The following ANKS1B variants were observed in gnomAD, a reference collection of about 807,000 sequenced individuals.
ANKS1B encodes ankyrin repeat and sterile alpha motif domain-containing protein 1B.
ANKS1B carries 36 observed loss-of-function variants against 148.3 expected under a neutral mutation model. The ratio of observed to expected loss-of-function variants is 0.24; its 90% CI spans 0.19 to 0.32. The LOEUF is 0.32. Among genes scored for constraint, ANKS1B ranks in the 10% least tolerant of loss-of-function variants. The probability of loss-of-function intolerance (pLI) is 1.00; values close to 1 mark genes in which losing one functional copy is unlikely to be tolerated. For synonymous variants in ANKS1B, 542 were observed against 560.8 expected, an observed-to-expected ratio of 0.97 and a Z score of 0.47; for missense variants, 1,157 against 1,542.6, an observed-to-expected ratio of 0.75 and a Z score of 4.19.
chr12:99,798,547 G>A (rs554488303), intron 4 of ANKS1B, among the ~76,000 whole-genome samples: 21 of 151,904 alleles, frequency 1.4e-4, no homozygotes, highest in Non-Finnish European at 2.5e-4. Context: ...ATCTAGAGGA[G>A]TATGTTCAAT....
At chr12:99,743,716 A>G (rs2060328778) in intron 8 of ANKS1B, among the ~76,000 whole-genome samples, 1 of 152,176 alleles carries the variant, frequency 6.6e-6, no homozygotes, top group Non-Finnish European at 1.5e-5. Flanking sequence ...AACTAAAGTA[A>G]TAACACTACA....
At chr12:99,158,823 G>C (rs759431717) in intron 14 of ANKS1B, among the ~76,000 whole-genome samples, 24 of 152,104 alleles carry the variant, frequency 1.6e-4, no homozygotes, top group Admixed American at 1.3e-4. Flanking sequence ...CCAAGAGAAA[G>C]GGCTCCCCTT....
At chr12:99,369,776 AGATAGATAGATAGATG>A (rs1449067289) in intron 12 of ANKS1B, among the ~76,000 whole-genome samples, 1 of 144,900 alleles carries the variant, frequency 6.9e-6, no homozygotes, top group Non-Finnish European at 1.5e-5. Flanking sequence ...ATAGATAGAT[AGATAGATAGATAGATG>A]GACGGACGGA....
intron 9 of ANKS1B, among the ~76,000 whole-genome samples, chr12:99,528,006 T>A (rs1394620412): frequency 6.6e-6 from 1 of 151,920 alleles, no homozygotes; most frequent in Non-Finnish European, 1.5e-5. Context: ...AACAGCATGG[T>A]ACTGGTGCTA....
chr12:99,929,081 C>T (rs1010751698), intron 1 of ANKS1B, among the ~76,000 whole-genome samples: 5 of 152,256 alleles, frequency 3.3e-5, no homozygotes, highest in Non-Finnish European at 5.9e-5. Context: ...CTTCATTTGT[C>T]CAACAGCATC....
chr12:99,779,961 T>C lies in ANKS1B; in HGVS notation c.757A>G (p.Asn253Asp). ...GTTCTACCTAAGCTATCCTTTATGT[T>C]GGCATCAATTCCTGAAAGAAAAAGA... ...RVLLETGIDA[N>D]IKDSLGRTVL... Residue 253 changes from asparagine (N) to aspartate (D), a missense_variant, in exon 6 of 27, where the codon AAC becomes GAC. This residue lies in a region of ANKS1B where 26 missense variants were observed against 83.4 expected (regional missense o/e 0.31). Coordinates refer to ENST00000683438, the MANE Select transcript of ANKS1B (RefSeq NM_001352186.2). 6.2e-7 allele frequency: 1 copy of C among 1,608,882 alleles called. No individual in the cohort carries two copies. The highest frequency in any genetic ancestry group is 8.5e-7 in the Non-Finnish European group (1 of 1,178,514).
intron 17 of ANKS1B, among the ~76,000 whole-genome samples, chr12:98,965,756 C>T (rs143089952): frequency 0.024 from 3,605 of 152,220 alleles, 128 homozygotes; most frequent in African/African-American, 0.074. Context: ...TATCTACAAC[C>T]ATCTGATCTT....
intron 10 of ANKS1B, among the ~76,000 whole-genome samples, chr12:99,444,757 G>C (rs1057437834): frequency 1.3e-5 from 2 of 151,908 alleles, no homozygotes; most frequent in Non-Finnish European, 2.9e-5. Flanking sequence ...TTTTTAATTA[G>C]TTCCCAATAA....
intron 8 of ANKS1B, among the ~76,000 whole-genome samples, chr12:99,702,423 T>C (rs1355308051): frequency 1.3e-5 from 2 of 152,176 alleles, no homozygotes; most frequent in African/African-American, 4.8e-5. Flanking sequence ...TTGAGTTCCT[T>C]ATACACTCTA....
chr12:99,336,352 T>A (rs2088861104), intron 12 of ANKS1B, among the ~76,000 whole-genome samples: 1 of 152,148 alleles, frequency 6.6e-6, no homozygotes, highest in Non-Finnish European at 1.5e-5. Flanking sequence ...TCCTTTGCTA[T>A]GCAGAAGCTC....
intron 10 of ANKS1B, among the ~76,000 whole-genome samples, chr12:99,454,854 A>G (rs1228607453): frequency 6.6e-6 from 1 of 152,212 alleles, no homozygotes; most frequent in Non-Finnish European, 1.5e-5. Context: ...GGAGAACTGC[A>G]CAGTTAAGAA....
chr12:99,894,508 CAAAAAA>C (rs777618998), intron 1 of ANKS1B, among the ~76,000 whole-genome samples: 4 of 64,266 alleles, frequency 6.2e-5, no homozygotes, highest in African/African-American at 1.1e-4. Flanking sequence ...GACCCTGTCT[CAAAAAA>C]AAAAAAAAAA....
At chr12:99,153,200 A>G (rs2075387811) in intron 15 of ANKS1B, among the ~76,000 whole-genome samples, 1 of 152,184 alleles carries the variant, frequency 6.6e-6, no homozygotes. Context: ...AATCTATAAT[A>G]TTCAAGTCAA....
chr12:99,133,607 T>A (rs1310594549), intron 15 of ANKS1B, among the ~76,000 whole-genome samples: 1 of 152,210 alleles, frequency 6.6e-6, no homozygotes, highest in Non-Finnish European at 1.5e-5. Flanking sequence ...CCCACAATCA[T>A]GTTTATAATG....
intron 1 of ANKS1B, among the ~76,000 whole-genome samples, chr12:99,962,337 C>T (rs889099382): frequency 4.6e-5 from 7 of 152,074 alleles, no homozygotes; most frequent in Non-Finnish European, 1.0e-4. Flanking sequence ...CTGAGGATGA[C>T]GGCTTCCAGC....
chr12:99,774,794 C>A (rs115865222), intron 7 of ANKS1B, among the ~76,000 whole-genome samples: 1 of 150,240 alleles, frequency 6.7e-6, no homozygotes, highest in East Asian at 2.0e-4. Flanking sequence ...TATATACACA[C>A]TACACAAACA....
At chr12:99,720,062 C>T (rs1165427703) in intron 8 of ANKS1B, among the ~76,000 whole-genome samples, 3 of 152,212 alleles carry the variant, frequency 2.0e-5, no homozygotes, top group Non-Finnish European at 4.4e-5. Flanking sequence ...TTCATAACCT[C>T]TTCCATGTAG....
At chr12:98,823,416 C>A (rs1462408932) in intron 19 of ANKS1B, among the ~76,000 whole-genome samples, 1 of 152,200 alleles carries the variant, frequency 6.6e-6, no homozygotes, top group East Asian at 1.9e-4. Context: ...TAAATCTAGG[C>A]ATTAACTTAC....
chr12:99,294,932 T>A (rs1271203144), intron 12 of ANKS1B, among the ~76,000 whole-genome samples: 1 of 152,168 alleles, frequency 6.6e-6, no homozygotes, highest in Non-Finnish European at 1.5e-5. Context: ...TTGCACATTT[T>A]AAAATAACTA....
Sources: allele counts gnomAD v4.1 joint callset (sites outside exome capture counted in the v4.1 genomes callset), GRCh38; gene constraint gnomAD v4.1.1; regional missense constraint gnomAD v4.1.1; transcripts MANE v1.5; gene names NCBI Gene and HGNC (gene_info 2026-07-23, HGNC 2026-07-21).